PALM: variants seen among roughly 807,000 people sequenced by gnomAD.
PALM encodes paralemmin.
Under a neutral mutation model 30.7 loss-of-function variants are expected in PALM, and 18 were observed. The ratio of observed to expected loss-of-function variants is 0.59; its 90% CI spans 0.41 to 0.87. PALM has a LOEUF of 0.87. Among genes scored for constraint, PALM ranks in the 40% least tolerant of loss-of-function variants. The pLI is 0.00. For synonymous variants in PALM, 286 were observed against 242.8 expected, an observed-to-expected ratio of 1.18 and a Z score of -1.66; for missense variants, 529 against 555.4, an observed-to-expected ratio of 0.95 and a Z score of 0.48.
chr19:720,461 C>T (rs1286895943), intron 1 of PALM, among the ~76,000 whole-genome samples: 4 of 125,504 alleles, frequency 3.2e-5, no homozygotes, highest in Non-Finnish European at 5.1e-5. Flanking sequence ...GCGCATCCTG[C>T]GTGTCCTGGG....
chr19:733,725 G>C (rs1180320374), intron 5 of PALM, among the ~76,000 whole-genome samples: 4 of 152,190 alleles, frequency 2.6e-5, no homozygotes, highest in African/African-American at 9.6e-5. Context: ...TGGTGGCTCA[G>C]CCTGTAATCC....
intron 1 of PALM, among the ~76,000 whole-genome samples, chr19:712,450 C>G (rs2144840696): frequency 2.0e-5 from 3 of 151,958 alleles, no homozygotes; most frequent in Middle Eastern, 6.8e-3. Flanking sequence ...GTGGTGTGAT[C>G]CCGGCTCACT....
At chr19:719,446 C>T in intron 1 of PALM, 2 of 985,312 alleles carry the variant, frequency 2.0e-6, no homozygotes, top group South Asian at 4.7e-5. Flanking sequence ...ATCGCGGGGA[C>T]GGGAGGCCTG....
At chr19:723,463 C>T (rs568739541) in intron 1 of PALM, among the ~76,000 whole-genome samples, 3 of 152,270 alleles carry the variant, frequency 2.0e-5, no homozygotes, top group East Asian at 1.9e-4. Flanking sequence ...GGACACCCAC[C>T]GCCAACCCCT....
At position 746,254 on chromosome 19, in the gene PALM, TG is replaced by T; in HGVS notation, c.635-28del. The T allele has an allele frequency of 6.3e-7, 1 of 1,594,316 alleles. No homozygotes were observed. Among genetic ancestry groups the T allele is most frequent in the Non-Finnish European group, 8.6e-7 (1 of 1,167,712 alleles). ...TCTCTCTGTCCCTCCTGCCTGGAGC[TG>T]GGTCATTCTCTCTGTCTCTCCTTGT... On this transcript the variant is annotated intron_variant, in intron 8 of 8. Coordinates refer to ENST00000338448, the MANE Select transcript of PALM (RefSeq NM_002579.3). The surrounding 1 kb of genome is among the most constrained non-coding windows in gnomAD (Gnocchi z 7.1).
At chr19:717,984 C>T (rs1266150321) in intron 1 of PALM, among the ~76,000 whole-genome samples, 1 of 152,104 alleles carries the variant, frequency 6.6e-6, no homozygotes, top group African/African-American at 2.4e-5. Context: ...GAGTTCGAGA[C>T]CAGCCTGGCC....
intron 1 of PALM, among the ~76,000 whole-genome samples, chr19:710,640 G>A (rs1365820866): frequency 6.6e-6 from 1 of 150,922 alleles, no homozygotes; most frequent in African/African-American, 2.4e-5. Flanking sequence ...GAGGCCCAGA[G>A]AGGAGCTGCT....
chr19:736,405 C>T (rs927141772), intron 7 of PALM, among the ~76,000 whole-genome samples: 13 of 152,212 alleles, frequency 8.5e-5, no homozygotes, highest in Admixed American at 2.6e-4. Flanking sequence ...CTGGGGGTGG[C>T]GCTCACGCCT....
intron 7 of PALM, among the ~76,000 whole-genome samples, chr19:737,243 G>A (rs541923713): frequency 6.6e-6 from 1 of 152,354 alleles, no homozygotes; most frequent in African/African-American, 2.4e-5. Flanking sequence ...CTCTGTGCCA[G>A]TGAGACCAGC....
At chr19:711,553 G>T (rs1340506493) in intron 1 of PALM, among the ~76,000 whole-genome samples, 1 of 152,150 alleles carries the variant, frequency 6.6e-6, no homozygotes, top group East Asian at 1.9e-4. Flanking sequence ...TTAATGAGAG[G>T]CAGAGCCTGT....
chr19:733,246 T>C (rs994875161), intron 5 of PALM, among the ~76,000 whole-genome samples: 2 of 151,856 alleles, frequency 1.3e-5, no homozygotes, highest in African/African-American at 4.8e-5. Flanking sequence ...GTTTTGAAGG[T>C]TGAATAGGAG....
chr19:715,485 C>T (rs1258317638), intron 1 of PALM, among the ~76,000 whole-genome samples: 3 of 152,200 alleles, frequency 2.0e-5, no homozygotes, highest in African/African-American at 7.2e-5. Context: ...CCATCATGAA[C>T]CTTTTCTGAG....
At chr19:723,454 G>A (rs1030799957) in intron 1 of PALM, among the ~76,000 whole-genome samples, 3 of 152,104 alleles carry the variant, frequency 2.0e-5, no homozygotes, top group Admixed American at 6.5e-5. Context: ...CAGAGCTTGG[G>A]ACACCCACCG....
chr19:746,889 A>G lies in PALM; in HGVS notation c.*75A>G. Reference sequence around the variant, plus strand: ...GCCCGGCCCCTCCCGGCGCCTGCCCACCCTCCACCCACAGCCTCACGGGTC... The same window carrying G: ...GCCCGGCCCCTCCCGGCGCCTGCCCGCCCTCCACCCACAGCCTCACGGGTC... On this transcript the variant is annotated 3_prime_UTR_variant, in exon 9 of 9. Transcript: ENST00000338448. The surrounding 1 kb of genome is among the most constrained non-coding windows in gnomAD (Gnocchi z 7.1). 1.4e-6 allele frequency: 1 copy of G among 737,998 alleles called. No individual in the cohort carries two copies. The highest frequency in any genetic ancestry group is 2.0e-6 in the Non-Finnish European group (1 of 498,608). 45.7% of individuals were successfully genotyped at this position (737,998 alleles called of 1,614,324 possible).
At chr19:732,732 A>C (rs2032911746) in intron 5 of PALM, among the ~76,000 whole-genome samples, 1 of 151,168 alleles carries the variant, frequency 6.6e-6, no homozygotes, top group African/African-American at 2.4e-5. Context: ...CCTGGACCTC[A>C]CTGAGCTCAC....
intron 1 of PALM, among the ~76,000 whole-genome samples, chr19:712,083 T>G (rs1211379719): frequency 6.6e-6 from 1 of 151,978 alleles, no homozygotes; most frequent in Admixed American, 6.6e-5. Flanking sequence ...AGTGCAGTGC[T>G]GCGATCTCCA....
At chr19:730,235 A>G (rs1009691) in intron 4 of PALM, among the ~76,000 whole-genome samples, 74,719 of 151,634 alleles carry the variant, frequency 0.49, 18,743 homozygotes, top group African/African-American at 0.6. Context: ...TTCTGGTTGG[A>G]GGGGACACAA....
chr19:722,220 A>C (rs2032514237), intron 1 of PALM, among the ~76,000 whole-genome samples: 1 of 152,062 alleles, frequency 6.6e-6, no homozygotes, highest in South Asian at 2.1e-4. Context: ...ACCCGGCCTT[A>C]AATTTTTATT....
chr19:746,705 C>T lies in PALM; in HGVS notation c.1055C>T (p.Thr352Met), dbSNP rs774853706. The change falls in exon 9 of 9, where the codon ACG becomes ATG. Residue 352 changes from threonine (T) to methionine (M), a missense_variant. By Grantham distance (81) the Thr-to-Met change is moderately conservative. Coordinates refer to ENST00000338448, the MANE Select transcript of PALM (RefSeq NM_002579.3). The surrounding 1 kb of genome is among the most constrained non-coding windows in gnomAD (Gnocchi z 7.1). ...AACGGCAGTGCTGCCGAGCCTCCCA[C>T]GGAGGCCGCCTCCAGGGAAGAGAAT... is the stretch of plus-strand genomic sequence containing the variant. ...PPNGSAAEPP[T>M]EAASREENQA... is the part of the protein sequence containing the mutation. The T allele has an allele frequency of 1.1e-5, 17 of 1,608,190 alleles. No homozygotes were observed. Among genetic ancestry groups the T allele is most frequent in the South Asian group, 7.7e-5 (7 of 90,534 alleles).
Sources: gnomAD v4.1 joint callset for allele counts (sites outside exome capture counted in the v4.1 genomes callset) on GRCh38, gnomAD v4.1.1 for gene constraint, Gnocchi (gnomAD v3.1) non-coding constraint, MANE v1.5 for transcripts, NCBI Gene and HGNC (gene_info 2026-07-23, HGNC 2026-07-21) for gene names.